The following MGA variants were observed in gnomAD, a reference collection of about 807,000 sequenced individuals.
MGA encodes the protein MAX gene-associated protein.
In MGA, 40 loss-of-function variants were observed where a neutral mutation model predicts 261.1. That is an observed-to-expected ratio of 0.15 (90% CI 0.12 to 0.20). The LOEUF is 0.20. MGA is among the 10% of genes least tolerant of loss of function. MGA has a pLI of 1.00. For missense variants in MGA, 3,397 were observed against 3,630.5 expected, an observed-to-expected ratio of 0.94 and a Z score of 1.65; for synonymous variants, 1,302 against 1,290.6, an observed-to-expected ratio of 1.01 and a Z score of -0.19.
At chr15:41,649,963 G>A (rs1159394082) in intron 1 of MGA, among the ~76,000 whole-genome samples, 2 of 152,190 alleles carry the variant, frequency 1.3e-5, no homozygotes, top group Non-Finnish European at 2.9e-5. Flanking sequence ...TTACAGGCGT[G>A]AGCCACCGCG....
In MGA at chr15:41,766,095, T is replaced by C. The variant is rs778694771; in HGVS notation, c.8013T>C (p.Tyr2671=). The stretch of plus-strand genomic sequence containing the variant: ...TGGTAGATATGGGTGGCAGCAAATA[T>C]CCTCATGAAGTTCCTGATAGCAAGC... The change falls in exon 24 of 24, where the codon TAT becomes TAC. Residue 2671 remains tyrosine, a synonymous_variant. Transcript: ENST00000219905. The C allele has an allele frequency of 6.2e-7, 1 of 1,613,960 alleles. No homozygotes were observed. The highest frequency in any genetic ancestry group is 1.1e-5 in the South Asian group (1 of 91,074).
At chr15:41,634,466 C>G (rs1222596924) in intron 1 of MGA, among the ~76,000 whole-genome samples, 2 of 152,178 alleles carry the variant, frequency 1.3e-5, no homozygotes, top group Non-Finnish European at 2.9e-5. Flanking sequence ...TGCCTCTGTG[C>G]TCAGTCATGG....
At chr15:41,729,542 T>G (rs1415934144) in intron 11 of MGA, among the ~76,000 whole-genome samples, 193 bp downstream of exon 11, 1 of 152,066 alleles carries the variant, frequency 6.6e-6, no homozygotes, top group Non-Finnish European at 1.5e-5. Context: ...TCTTTCTTGG[T>G]TGGGTGCTGT....
At chr15:41,630,080 C>CT (rs1289437681) in intron 1 of MGA, among the ~76,000 whole-genome samples, 4 of 152,174 alleles carry the variant, frequency 2.6e-5, no homozygotes, top group African/African-American at 9.7e-5. Context: ...CCTTCATTGT[C>CT]TGAGTACTCT....
At chr15:41,625,992 TTATAG>T (rs1320480414) in intron 1 of MGA, among the ~76,000 whole-genome samples, 2 of 152,208 alleles carry the variant, frequency 1.3e-5, no homozygotes, top group African/African-American at 4.8e-5. Flanking sequence ...ATAACTTTTA[TTATAG>T]TATATTGTAA....
chr15:41,713,347 C>A lies in MGA; in HGVS notation c.3281C>A (p.Ser1094Tyr). Residue 1094 changes from serine to tyrosine, a missense_variant, in exon 9 of 24, where the codon TCC becomes TAC. Coordinates refer to ENST00000219905, the MANE Select transcript of MGA (RefSeq NM_001164273.2). ...AAAGTTGTACTTGTTAAAGGAGGAT[C>A]CAAAACTAAGCATTTTCAGAGGAAG... 6.2e-7 allele frequency: 1 copy of A among 1,613,730 alleles called. No homozygotes were observed. Among genetic ancestry groups the A allele is most frequent in the Non-Finnish European group, 8.5e-7 (1 of 1,179,836 alleles).
intron 1 of MGA, among the ~76,000 whole-genome samples, chr15:41,663,960 A>G (rs765551369): frequency 6.6e-6 from 1 of 152,212 alleles, no homozygotes; most frequent in Non-Finnish European, 1.5e-5. Context: ...ACCTAGGCAT[A>G]TGCTTATAGC....
upstream of MGA, among the ~76,000 whole-genome samples, chr15:41,657,339 CTTTTTTTTTTTTTTTTTTTTTTTTT>C (rs373920516): frequency 9.4e-6 from 1 of 106,912 alleles, no homozygotes; most frequent in East Asian, 3.9e-4. Flanking sequence ...AGTGAAGGCC[CTTTTTTTTTTTTTTTTTTTTTTTTT>C]TTTTTTTGAG....
chr15:41,707,677 AAT>A, intron 5 of MGA, 49 bp from the exon 6 acceptor site: 1 of 1,505,092 alleles, frequency 6.6e-7, no homozygotes, highest in Non-Finnish European at 9.0e-7. Flanking sequence ...GAAGGGAGAT[AAT>A]ATGATTTCTG....
At chr15:41,695,028 G>C (rs569768075) in intron 2 of MGA, among the ~76,000 whole-genome samples, 1 of 152,118 alleles carries the variant, frequency 6.6e-6, no homozygotes, top group Non-Finnish European at 1.5e-5. Context: ...AATATATATA[G>C]TGGTGTGTAT....
rs181548094 is a variant in MGA, at chr15:41,738,577, C to A, written c.4435-1476C>A. The stretch of plus-strand genomic sequence containing the variant: ...TTTGAAAACAGAGGTTTGCCTGATA[C>A]AATTTCTAGTGAGACTAGACTCCCT... On this transcript the variant is annotated intron_variant, in intron 13 of 23. Coordinates refer to ENST00000219905, the MANE Select transcript of MGA (RefSeq NM_001164273.2). Among the ~76,000 whole-genome samples the A allele has an allele frequency of 8.9e-4, 135 of 152,252 alleles. 1 individual carries two copies. Among genetic ancestry groups the A allele is most frequent in the African/African-American group, 3.1e-3 (130 of 41,542 alleles).
At chr15:41,716,352 G>A (rs1354696832) in intron 9 of MGA, among the ~76,000 whole-genome samples, 7 of 152,048 alleles carry the variant, frequency 4.6e-5, no homozygotes, top group African/African-American at 1.7e-4. Flanking sequence ...TACTCCGGAG[G>A]CTGAGGCAGG....
At chr15:41,744,048 G>A (rs986560050) in intron 15 of MGA, among the ~76,000 whole-genome samples, 2 of 152,086 alleles carry the variant, frequency 1.3e-5, no homozygotes, top group Admixed American at 6.5e-5. Flanking sequence ...TTCTGTCTTG[G>A]TTATTGATGT....
chr15:41,696,572 G>C lies in MGA; in HGVS notation c.1562G>C (p.Cys521Ser), dbSNP rs749914635. The C allele has an allele frequency of 3.1e-6, 5 of 1,613,952 alleles. No individual in the cohort carries two copies. The highest frequency in any genetic ancestry group is 4.2e-6 in the Non-Finnish European group (5 of 1,179,876). The change falls in exon 3 of 24, where the codon TGC (cysteine) becomes TCC (serine). Residue 521 changes from cysteine (C) to serine (S), a missense_variant. Transcript: ENST00000219905. ...GAAAATTCCAATGAGACTGCCTTCT[G>C]CTTAGGCAAGGAATCAGAAAATGGT... is the stretch of plus-strand genomic sequence containing the variant.
chr15:41,660,887 G>C (rs2057357817), intron 1 of MGA, among the ~76,000 whole-genome samples: 1 of 152,214 alleles, frequency 6.6e-6, no homozygotes, highest in Non-Finnish European at 1.5e-5. Context: ...CGGTCCGCGT[G>C]ACGACTTCTC....
In MGA at chr15:41,691,322, A is replaced by C. The variant is rs141834024; in HGVS notation, c.1065-4753A>C. On this transcript the variant is annotated intron_variant, in intron 2 of 23. Transcript: ENST00000219905. ...TATTGTAAAATGGAATTACTTCCTC[A>C]TTTCACTTTTGACATTCATTGCTAG... 4.6e-5 allele frequency among the ~76,000 whole-genome samples: 7 copies of C among 152,140 alleles called. No homozygotes were observed. In the East Asian group the frequency reaches 1.4e-3, roughly 29 times the overall value.
intron 8 of MGA, among the ~76,000 whole-genome samples, chr15:41,712,605 G>C (rs1394762424): frequency 6.6e-6 from 1 of 152,128 alleles, no homozygotes; most frequent in African/African-American, 2.4e-5. Flanking sequence ...ACTAAATGCA[G>C]ATTATTTTAT....
intron 1 of MGA, among the ~76,000 whole-genome samples, chr15:41,647,426 GTAC>G (rs1407748165): frequency 6.6e-6 from 1 of 151,902 alleles, no homozygotes; most frequent in African/African-American, 2.4e-5. Context: ...ATATTCTGTT[GTAC>G]TACTCCACTT....
At chr15:41,657,827 C>T (rs908074077), upstream of MGA, among the ~76,000 whole-genome samples, 7 of 152,042 alleles carry the variant, frequency 4.6e-5, no homozygotes, top group South Asian at 4.1e-4. Context: ...AGAGTGAGGT[C>T]TTTTTGTCAG....
Sources: allele counts gnomAD v4.1 joint callset (sites outside exome capture counted in the v4.1 genomes callset), GRCh38; gene constraint gnomAD v4.1.1; transcripts MANE v1.5; gene names NCBI Gene and HGNC (gene_info 2026-07-23, HGNC 2026-07-21).